Variants in PRKAR2A observed in about 807,000 individuals in gnomAD.
The protein encoded by PRKAR2A is cAMP-dependent protein kinase type II-alpha regulatory subunit.
Under a neutral mutation model 51.9 loss-of-function variants are expected in PRKAR2A, and 29 were observed. The observed-to-expected ratio is 0.56, with a 90% CI of 0.42 to 0.76. The LOEUF (loss-of-function observed/expected upper bound fraction) is 0.76, where lower values mean the gene tolerates loss of function less well. Ranked by LOEUF, PRKAR2A falls within the 30% of genes least tolerant of loss-of-function variation. PRKAR2A has a pLI of 0.00. For missense variants in PRKAR2A, 445 were observed against 512.1 expected, an observed-to-expected ratio of 0.87 and a Z score of 1.26; for synonymous variants, 178 against 186.2, an observed-to-expected ratio of 0.96 and a Z score of 0.36.
chr3:48,817,270 TG>T (rs2107391107), intron 1 of PRKAR2A, among the ~76,000 whole-genome samples: 1 of 151,726 alleles, frequency 6.6e-6, no homozygotes, highest in East Asian at 1.9e-4. Flanking sequence ...GAGGTTGCAG[TG>T]AGCCGAGATT....
At chr3:48,817,215 G>A (rs879256307) in intron 1 of PRKAR2A, among the ~76,000 whole-genome samples, 3 of 151,642 alleles carry the variant, frequency 2.0e-5, no homozygotes, top group Non-Finnish European at 2.9e-5. Context: ...TAGTCCCACC[G>A]ATTCGGGAGG....
chr3:48,817,739 G>A (rs1481423936), intron 1 of PRKAR2A, among the ~76,000 whole-genome samples: 1 of 150,898 alleles, frequency 6.6e-6, no homozygotes, highest in Admixed American at 6.6e-5. Context: ...GGAGAAAAGA[G>A]AGAGAAAAAA....
chr3:48,780,596 C>G (rs371912996), intron 5 of PRKAR2A, among the ~76,000 whole-genome samples: 14 of 145,050 alleles, frequency 9.7e-5, no homozygotes, highest in South Asian at 8.9e-4. Context: ...GAGCAAGACT[C>G]CGTCTCAAAA....
intron 9 of PRKAR2A, among the ~76,000 whole-genome samples, chr3:48,754,556 T>A (rs533596989): frequency 9.9e-5 from 15 of 152,060 alleles, no homozygotes; most frequent in Non-Finnish European, 2.2e-4. Flanking sequence ...GAGGATCACC[T>A]GAGGTCAGGA....
intron 5 of PRKAR2A, among the ~76,000 whole-genome samples, chr3:48,779,815 ATAAATAAAT>A (rs1400942816): frequency 4.7e-5 from 7 of 149,386 alleles, no homozygotes; most frequent in Non-Finnish European, 1.0e-4. Context: ...AAATAAATAA[ATAAATAAAT>A]AAATAAAATA....
chr3:48,759,159 G>A (rs958130106), intron 8 of PRKAR2A, among the ~76,000 whole-genome samples: 3 of 152,172 alleles, frequency 2.0e-5, no homozygotes, highest in African/African-American at 7.2e-5. Flanking sequence ...TGGCAGTTAA[G>A]GGATGCACTC....
intron 1 of PRKAR2A, 33 bp from the exon 2 acceptor site, chr3:48,807,717 T>C (rs1246811220): frequency 2.5e-6 from 4 of 1,586,306 alleles, no homozygotes; most frequent in Non-Finnish European, 8.6e-7. Context: ...TTAGTCATTA[T>C]TATGTCACCA....
intron 1 of PRKAR2A, among the ~76,000 whole-genome samples, chr3:48,829,163 C>T (rs1281423434): frequency 6.6e-6 from 1 of 151,722 alleles, no homozygotes; most frequent in African/African-American, 2.4e-5. Flanking sequence ...TCACTTGAGC[C>T]CAAGAGTTTG....
At chr3:48,817,807 T>C (rs1203354940) in intron 1 of PRKAR2A, among the ~76,000 whole-genome samples, 1 of 151,808 alleles carries the variant, frequency 6.6e-6, no homozygotes, top group African/African-American at 2.4e-5. Flanking sequence ...AAAAAAAGAT[T>C]TGGTATGCTC....
At chr3:48,790,123 T>C (rs1271917351) in intron 4 of PRKAR2A, among the ~76,000 whole-genome samples, 1 of 152,120 alleles carries the variant, frequency 6.6e-6, no homozygotes, top group Non-Finnish European at 1.5e-5. Flanking sequence ...AAGTGACTAA[T>C]GGGCAGGTGG....
intron 1 of PRKAR2A, among the ~76,000 whole-genome samples, chr3:48,824,248 T>C (rs1209518645): frequency 6.6e-6 from 1 of 151,382 alleles, no homozygotes. Flanking sequence ...TCTAAAAAAA[T>C]ATATACAAAA....
At chr3:48,786,375 T>C (rs1281996217) in intron 4 of PRKAR2A, among the ~76,000 whole-genome samples, 1 of 150,768 alleles carries the variant, frequency 6.6e-6, no homozygotes, top group East Asian at 2.0e-4. Flanking sequence ...TCTGCCCGCC[T>C]CGGCCTCCCA....
chr3:48,786,856 T>C (rs1362378797), intron 4 of PRKAR2A, among the ~76,000 whole-genome samples: 8 of 152,134 alleles, frequency 5.3e-5, no homozygotes, highest in Non-Finnish European at 1.0e-4. Context: ...TAAGACATAC[T>C]GACATCATGG....
At chr3:48,829,866 T>C (rs2083155333) in intron 1 of PRKAR2A, among the ~76,000 whole-genome samples, 1 of 79,890 alleles carries the variant, frequency 1.3e-5, no homozygotes, top group African/African-American at 6.0e-5. Context: ...TATATATATA[T>C]ATATATTTTT....
downstream of PRKAR2A, among the ~76,000 whole-genome samples, chr3:48,745,791 C>T (rs183091741): frequency 1.1e-4 from 17 of 152,122 alleles, no homozygotes; most frequent in Non-Finnish European, 1.9e-4. Context: ...CGCCCACCTC[C>T]ACCTCCCAAA....
intron 2 of PRKAR2A, among the ~76,000 whole-genome samples, chr3:48,797,729 A>G (rs574799362): frequency 6.6e-6 from 1 of 152,298 alleles, no homozygotes. Flanking sequence ...ACACCATTCT[A>G]GTCTCTGAAA....
At chr3:48,797,358 G>A (rs1047522777) in intron 2 of PRKAR2A, among the ~76,000 whole-genome samples, 21 of 151,740 alleles carry the variant, frequency 1.4e-4, no homozygotes, top group Admixed American at 9.2e-4. Flanking sequence ...TAGTAGAGAC[G>A]GGGTTTCACC....
At chr3:48,786,603 C>T (rs1177206257) in intron 4 of PRKAR2A, among the ~76,000 whole-genome samples, 4 of 149,584 alleles carry the variant, frequency 2.7e-5, no homozygotes, top group African/African-American at 7.3e-5. Flanking sequence ...CGAGACCATC[C>T]TGGCGAACAT....
chr3:48,800,728 C>T (rs374869278), intron 2 of PRKAR2A, among the ~76,000 whole-genome samples: 6 of 151,846 alleles, frequency 4.0e-5, no homozygotes, highest in East Asian at 3.9e-4. Context: ...TGGAGTACAG[C>T]GGCGCAATCT....
Sources: gnomAD v4.1 joint callset for allele counts (sites outside exome capture counted in the v4.1 genomes callset) on GRCh38, gnomAD v4.1.1 for gene constraint, MANE v1.5 for transcripts, NCBI Gene and HGNC (gene_info 2026-07-23, HGNC 2026-07-21) for gene names.